The following GRK3 variants were observed in gnomAD, a reference collection of about 807,000 sequenced individuals.
GRK3 encodes the protein G protein-coupled receptor kinase 3.
A neutral mutation model predicts 95.7 loss-of-function variants in GRK3; 54 were observed. The observed-to-expected ratio is 0.56, with a 90% CI of 0.45 to 0.71. The LOEUF (loss-of-function observed/expected upper bound fraction) is 0.71, where lower values mean the gene tolerates loss of function less well. Among genes scored for constraint, GRK3 ranks in the 30% least tolerant of loss-of-function variants. The pLI is 0.00. For missense variants in GRK3, 649 were observed against 851.2 expected (o/e 0.76, Z 2.96); for synonymous variants, 281 against 290.8 (o/e 0.97, Z 0.34).
chr22:25,574,311 C>A (rs941495718), intron 1 of GRK3, among the ~76,000 whole-genome samples: 3 of 152,046 alleles, frequency 2.0e-5, no homozygotes, highest in Non-Finnish European at 1.5e-5. Context: ...ATGGTGAAAC[C>A]CTGTCTCTAC....
intron 2 of GRK3, among the ~76,000 whole-genome samples, chr22:25,641,188 G>C (rs2084740119): frequency 6.6e-6 from 1 of 152,200 alleles, no homozygotes; most frequent in South Asian, 2.1e-4. Flanking sequence ...TCTATTGTGT[G>C]TTGAACTAAG....
chr22:25,612,071 A>G (rs1478107976), intron 2 of GRK3, among the ~76,000 whole-genome samples: 1 of 152,040 alleles, frequency 6.6e-6, no homozygotes, highest in African/African-American at 2.4e-5. Flanking sequence ...GAGCTCAGGC[A>G]ATCCACCCGC....
At position 25,701,812 on chromosome 22, in the gene GRK3, A is replaced by G. The variant is rs112834193; in HGVS notation, c.1161-1698A>G. ...GGGTGGAAACAGCTAAGTGTCAAGCAGGGAGACTAAGGTTTTCATAAGATT... is the reference window on the plus strand; with the variant it reads ...GGGTGGAAACAGCTAAGTGTCAAGCGGGGAGACTAAGGTTTTCATAAGATT... On this transcript the variant is annotated intron_variant, in intron 13 of 20. Transcript: ENST00000324198. Among the ~76,000 whole-genome samples, 733 of 152,318 alleles carry G rather than the reference A, an allele frequency of 4.8e-3. 7 individuals carry two copies. Among genetic ancestry groups the G allele is most frequent in the African/African-American group, 0.017 (709 of 41,564 alleles).
chr22:25,609,218 C>T (rs1214455546), intron 2 of GRK3, among the ~76,000 whole-genome samples: 1 of 152,172 alleles, frequency 6.6e-6, no homozygotes, highest in African/African-American at 2.4e-5. Flanking sequence ...TGAAGTGAGG[C>T]ACATGGCATT....
rs2085178166 is a variant in GRK3 at position 25,693,098 on chromosome 22, CTT to C, written c.1053-2006_1053-2005del. Among the ~76,000 whole-genome samples the C allele has an allele frequency of 2.6e-5, 4 of 152,286 alleles. No individual in the cohort carries two copies. The South Asian group carries it at 8.3e-4, about 32-fold the overall frequency. ...TAGCCATGAAAAAATCGCAGGAAAA[CTT>C]TTGGAGCTGAGCAGATTGTCAGTGA... On this transcript the variant is annotated intron_variant, in intron 12 of 20. Transcript: ENST00000324198.
At chr22:25,605,714 C>T (rs922509334) in intron 2 of GRK3, among the ~76,000 whole-genome samples, 1 of 152,192 alleles carries the variant, frequency 6.6e-6, no homozygotes, top group Non-Finnish European at 1.5e-5. Flanking sequence ...GAACTTGTAC[C>T]CATTAGCAGT....
At chr22:25,644,335 T>G (rs766067139) in intron 2 of GRK3, among the ~76,000 whole-genome samples, 1 of 151,878 alleles carries the variant, frequency 6.6e-6, no homozygotes, top group Non-Finnish European at 1.5e-5. Flanking sequence ...ATCATACTTT[T>G]GTGGAAAGTG....
chr22:25,648,238 A>G, intron 3 of GRK3: 1 of 785,714 alleles, frequency 1.3e-6, no homozygotes, highest in Non-Finnish European at 2.3e-6. Flanking sequence ...GTGAAACACC[A>G]CAAAATTAGG....
At chr22:25,584,762 G>A (rs1569153334) in intron 1 of GRK3, among the ~76,000 whole-genome samples, 1 of 152,246 alleles carries the variant, frequency 6.6e-6, no homozygotes, top group Non-Finnish European at 1.5e-5. Context: ...GCAGGTTCAG[G>A]TATCCACTGG....
At chr22:25,628,426 A>G (rs116182369) in intron 2 of GRK3, among the ~76,000 whole-genome samples, 4 of 152,310 alleles carry the variant, frequency 2.6e-5, no homozygotes, top group African/African-American at 9.6e-5. Context: ...GCAGTTTTGT[A>G]AAAGCAAAAT....
chr22:25,642,730 T>C (rs971231106), intron 2 of GRK3, among the ~76,000 whole-genome samples: 2 of 152,214 alleles, frequency 1.3e-5, no homozygotes, highest in African/African-American at 4.8e-5. Flanking sequence ...TGAGTCTCTG[T>C]TTCTGACTGA....
chr22:25,655,706 C>T (rs1247720006), intron 3 of GRK3, among the ~76,000 whole-genome samples: 1 of 152,108 alleles, frequency 6.6e-6, no homozygotes, highest in African/African-American at 2.4e-5. Context: ...ATTCAGCAAA[C>T]CCTGAAGTAT....
intron 2 of GRK3, among the ~76,000 whole-genome samples, chr22:25,630,808 G>A (rs1016969632): frequency 6.6e-6 from 1 of 152,138 alleles, no homozygotes. Context: ...TTGATATGCT[G>A]GAAGAATACG....
At chr22:25,687,966 G>A (rs1186982764) in intron 11 of GRK3, among the ~76,000 whole-genome samples, 1 of 152,202 alleles carries the variant, frequency 6.6e-6, no homozygotes, top group Non-Finnish European at 1.5e-5. Flanking sequence ...GCCAGGTGCG[G>A]TGGCTCATGC....
In GRK3 at chr22:25,722,438, C is replaced by G; in HGVS notation, c.2055C>G (p.Ser685Arg). The change falls in exon 21 of 21, where the codon AGC (serine) becomes AGG (arginine). Residue 685 changes from serine (S) to arginine (R), a missense_variant. Ser to Arg is a moderately radical substitution (Grantham distance 110). Transcript: ENST00000324198. ...LPKPSLCHRN[S>R]NGL ...AGCCATCCCTCTGTCACAGAAACAG[C>G]AACGGCCTCTAGCACCCAGAAACAG... 6.2e-7 allele frequency: 1 copy of G among 1,614,112 alleles called. No homozygotes were observed. Among genetic ancestry groups the G allele is most frequent in the Non-Finnish European group, 8.5e-7 (1 of 1,179,990 alleles).
intron 1 of GRK3, among the ~76,000 whole-genome samples, chr22:25,602,132 A>G (rs1035629096): frequency 6.6e-6 from 1 of 152,240 alleles, no homozygotes; most frequent in African/African-American, 2.4e-5. Context: ...TGAATAATAC[A>G]ACTCAATTAA....
intron 3 of GRK3, among the ~76,000 whole-genome samples, chr22:25,653,319 G>A (rs2084847648): frequency 6.6e-6 from 1 of 152,128 alleles, no homozygotes; most frequent in African/African-American, 2.4e-5. Context: ...TAAACACATG[G>A]ATGGAAGAGG....
chr22:25,622,432 G>C (rs938162442), intron 2 of GRK3, among the ~76,000 whole-genome samples: 2 of 152,180 alleles, frequency 1.3e-5, no homozygotes, highest in Non-Finnish European at 2.9e-5. Context: ...TTGTTTAGGG[G>C]ACATTTCTTT....
chr22:25,666,849 CA>C (rs1601512732), intron 5 of GRK3, among the ~76,000 whole-genome samples: 2 of 152,038 alleles, frequency 1.3e-5, no homozygotes, highest in East Asian at 1.9e-4. Flanking sequence ...AAATGTTTCC[CA>C]AAACTATCTA....
Sources: gnomAD v4.1 joint callset for allele counts (sites outside exome capture counted in the v4.1 genomes callset) on GRCh38, gnomAD v4.1.1 for gene constraint, MANE v1.5 for transcripts, NCBI Gene and HGNC (gene_info 2026-07-23, HGNC 2026-07-21) for gene names.